COPA: variants seen among roughly 807,000 people sequenced by gnomAD.
COPA encodes coat protein complex I subunit alpha.
A neutral mutation model predicts 158.7 loss-of-function variants in COPA; 10 were observed. The ratio of observed to expected loss-of-function variants is 0.06; its 90% CI spans 0.04 to 0.11. The LOEUF is 0.11. COPA is among the 10% of genes least tolerant of loss of function. The pLI, the probability that COPA is intolerant of heterozygous loss-of-function variation, is 1.00. For synonymous variants in COPA, 462 were observed against 542.8 expected (o/e 0.85, Z 2.07); for missense variants, 1,065 against 1,536.7 (o/e 0.69, Z 5.13).
chr1:160,297,699 T>C lies in COPA; in HGVS notation c.2024A>G (p.Glu675Gly), dbSNP rs1305920090. 1.9e-6 allele frequency: 3 copies of C among 1,614,030 alleles called. No homozygotes were observed. Among genetic ancestry groups the C allele is most frequent in the African/African-American group, 2.7e-5 (2 of 74,910 alleles). The change falls in exon 20 of 33, where the codon GAA (glutamate) becomes GGA (glycine). Residue 675 changes from glutamate to glycine, a missense_variant. Transcript: ENST00000241704. ...CAGCAGGGCCACTTCTCCCAGCTTT[T>C]CCCAGCAGTTCTTGTCATCCAGTGC... Reference protein sequence around the residue: ...AKALDDKNCWEKLGEVALLQG... With the variant: ...AKALDDKNCWGKLGEVALLQG...
intron 5 of COPA, 64 bp from the exon 6 acceptor site, chr1:160,332,621 T>C: frequency 1.8e-6 from 2 of 1,128,438 alleles, no homozygotes; most frequent in Non-Finnish European, 2.5e-6. Flanking sequence ...CTAAACTAAA[T>C]ACCTTTCTCC....
chr1:160,305,756 T>G lies in COPA; in HGVS notation c.1460A>C (p.Lys487Thr). 1 of 1,614,076 alleles carries G rather than the reference T, an allele frequency of 6.2e-7. No homozygotes were observed. The highest frequency in any genetic ancestry group is 8.5e-7 in the Non-Finnish European group (1 of 1,179,976). Residue 487 changes from lysine (K) to threonine (T), a missense_variant, in exon 16 of 33, where the codon AAG (lysine) becomes ACG (threonine). By Grantham distance (78) the Lys-to-Thr change is moderately conservative. Transcript: ENST00000241704. ...VQQKRTLASVKISKVKYVIWS... is the reference protein window; with the variant it reads ...VQQKRTLASVTISKVKYVIWS... ...GATAACGTATTTCACTTTAGAAATC[T>G]TCACAGATGCCAGAGTCCTGAGATA...
At chr1:160,300,157 T>C (rs1014020467) in intron 17 of COPA, among the ~76,000 whole-genome samples, 2 of 151,796 alleles carry the variant, frequency 1.3e-5, no homozygotes, top group South Asian at 2.1e-4. Context: ...CTGGCCAACA[T>C]GGTGAAACCC....
At chr1:160,342,188 G>A (rs1334101415) in intron 1 of COPA, among the ~76,000 whole-genome samples, 1 of 152,126 alleles carries the variant, frequency 6.6e-6, no homozygotes, top group Non-Finnish European at 1.5e-5. Flanking sequence ...TACAGACTTA[G>A]AGACATTAAG....
intron 13 of COPA, 27 bp from the exon 14 acceptor site, chr1:160,307,272 G>A: frequency 6.2e-7 from 1 of 1,610,236 alleles, no homozygotes; most frequent in Non-Finnish European, 8.5e-7. Context: ...CAAAGGGTGG[G>A]AGCATGTGGT....
chr1:160,317,298 T>A (rs1659180892), intron 8 of COPA: 1 of 1,024,092 alleles, frequency 9.8e-7, no homozygotes, highest in Admixed American at 1.8e-5. Flanking sequence ...AGCTGCGGTG[T>A]TGTGCTGTGG....
At chr1:160,330,091 G>T (rs1647432936) in intron 6 of COPA, among the ~76,000 whole-genome samples, 2 of 151,402 alleles carry the variant, frequency 1.3e-5, no homozygotes, top group South Asian at 4.2e-4. Flanking sequence ...CTCCAGCCTG[G>T]GTAACAGTGA....
At chr1:160,340,685 C>T (rs1648001480) in intron 1 of COPA, among the ~76,000 whole-genome samples, 1 of 152,172 alleles carries the variant, frequency 6.6e-6, no homozygotes, top group African/African-American at 2.4e-5. Context: ...TCCTTTCTGG[C>T]AAGTAGGAAC....
At chr1:160,317,648 A>T in intron 8 of COPA, 1 of 1,526,458 alleles carries the variant, frequency 6.6e-7, no homozygotes, top group Non-Finnish European at 9.1e-7. Context: ...CTGGGAATGG[A>T]GGAAGAAGAT....
At chr1:160,299,726 T>G (rs992903707) in intron 17 of COPA, among the ~76,000 whole-genome samples, 10 of 152,156 alleles carry the variant, frequency 6.6e-5, no homozygotes, top group Non-Finnish European at 1.5e-4. Flanking sequence ...TAACAGATAA[T>G]TTACAGACTG....
chr1:160,291,935 G>GA lies in COPA; in HGVS notation c.3148-7dup, dbSNP rs1658247885. 7.4e-6 allele frequency: 12 copies of GA among 1,614,204 alleles called. No individual in the cohort carries two copies. Among genetic ancestry groups the GA allele is most frequent in the Non-Finnish European group, 1.0e-5 (12 of 1,180,038 alleles). Reference sequence around the variant, plus strand: ...ATGGTGATGAGCTGCTGGGCCTGTAGAGGGGGCAGAAGGTCAGGATACAGA... The same window carrying GA: ...ATGGTGATGAGCTGCTGGGCCTGTAGAAGGGGGCAGAAGGTCAGGATACAGA... On this transcript the variant is annotated splice_region_variant and splice_polypyrimidine_tract_variant and intron_variant, in intron 29 of 32. Coordinates refer to ENST00000241704, the MANE Select transcript of COPA (RefSeq NM_004371.4).
rs78998321 is a variant in COPA at position 160,341,408 on chromosome 1, T to C, written c.41-1114A>G. Reference sequence around the variant, plus strand: ...GGACAAATGTACTACACTTATATTATTCTAACAGGCATTTTGTCCGCCAAT... The same window carrying C: ...GGACAAATGTACTACACTTATATTACTCTAACAGGCATTTTGTCCGCCAAT... On this transcript the variant is annotated intron_variant, in intron 1 of 32. Coordinates refer to ENST00000241704, the MANE Select transcript of COPA (RefSeq NM_004371.4). 9.2e-5 allele frequency among the ~76,000 whole-genome samples: 14 copies of C among 152,356 alleles called. No homozygotes were observed. The East Asian group carries it at 2.7e-3, about 29-fold the overall frequency.
chr1:160,290,612 G>C lies in COPA; in HGVS notation c.3495C>G (p.Pro1165=), dbSNP rs2101818577. The change falls in exon 32 of 33, where the codon CCC becomes CCG. Residue 1165 remains proline, a synonymous_variant. Transcript: ENST00000241704. ...GATATGATGCAGCACAAATGTCAAA[G>C]GGGTTGTGCATGTCATAATTGAGCT... ...AYQLNYDMHN[P]FDICAASYRP... 2 of 1,614,170 alleles carry C rather than the reference G, an allele frequency of 1.2e-6. No individual in the cohort carries two copies. Among genetic ancestry groups the C allele is most frequent in the Non-Finnish European group, 1.7e-6 (2 of 1,180,044 alleles).
chr1:160,327,775 T>G (rs1302388983), intron 6 of COPA, among the ~76,000 whole-genome samples: 1 of 151,684 alleles, frequency 6.6e-6, no homozygotes, highest in Non-Finnish European at 1.5e-5. Flanking sequence ...GGAGAATCAC[T>G]TGAACCCGGG....
intron 8 of COPA, among the ~76,000 whole-genome samples, chr1:160,316,760 A>C (rs973797000): frequency 1.3e-5 from 2 of 152,108 alleles, no homozygotes; most frequent in African/African-American, 4.8e-5. Flanking sequence ...CAAAAAAAAA[A>C]AAAAAGAATG....
chr1:160,291,647 C>T (rs1039270410), intron 30 of COPA, 151 bp from the exon 31 acceptor site: 7 of 1,135,276 alleles, frequency 6.2e-6, no homozygotes, highest in African/African-American at 5.1e-5. Context: ...GTATGGAGGA[C>T]TGGTGAGATG....
intron 12 of COPA, 151 bp downstream of exon 12, chr1:160,310,041 C>T (rs1334377062): frequency 6.3e-6 from 3 of 479,856 alleles, no homozygotes; most frequent in South Asian, 1.0e-4. Flanking sequence ...CTGAAACCTA[C>T]CTGATTTGAG....
chr1:160,333,379 T>C, intron 5 of COPA: 1 of 451,076 alleles, frequency 2.2e-6, no homozygotes, highest in Non-Finnish European at 3.9e-6. Flanking sequence ...TAAAAGGCTA[T>C]ATGACTTCTC....
intron 12 of COPA, 38 bp from the exon 13 acceptor site, chr1:160,309,214 A>C (rs753322634): frequency 2.0e-6 from 3 of 1,489,778 alleles, no homozygotes; most frequent in African/African-American, 2.8e-5. Context: ...GTTAGTGAGA[A>C]GCACCCAAGA....
Sources: gnomAD v4.1 joint callset for allele counts (sites outside exome capture counted in the v4.1 genomes callset) on GRCh38, gnomAD v4.1.1 for gene constraint, MANE v1.5 for transcripts, NCBI Gene and HGNC (gene_info 2026-07-23, HGNC 2026-07-21) for gene names.